The following LMO7 variants were observed in gnomAD, a reference collection of about 807,000 sequenced individuals.
LMO7 encodes LIM domain 7.
A neutral mutation model predicts 206.5 loss-of-function variants in LMO7; 120 were observed. That is an observed-to-expected ratio of 0.58 (90% CI 0.50 to 0.68). The LOEUF is 0.68. Among genes scored for constraint, LMO7 ranks in the 30% least tolerant of loss-of-function variants. The pLI is 0.00. For synonymous variants in LMO7, 706 were observed against 681.5 expected (o/e 1.04, Z -0.56); for missense variants, 1,959 against 1,957.9 (o/e 1.00, Z -0.01).
chr13:75,655,762 C>A (rs936735385), intron 1 of LMO7, among the ~76,000 whole-genome samples: 1 of 150,534 alleles, frequency 6.6e-6, no homozygotes, highest in African/African-American at 2.5e-5. Context: ...TTCAAGTTGT[C>A]ACCTGTGTCT....
At chr13:75,699,933 C>T (rs2042167675) in intron 1 of LMO7, among the ~76,000 whole-genome samples, 1 of 152,190 alleles carries the variant, frequency 6.6e-6, no homozygotes, top group African/African-American at 2.4e-5. Context: ...ACAGACACTC[C>T]CAGAGCGGCC....
At chr13:75,828,058 G>T (rs1470463153) in intron 15 of LMO7, among the ~76,000 whole-genome samples, 1 of 152,190 alleles carries the variant, frequency 6.6e-6, no homozygotes, top group African/African-American at 2.4e-5. Flanking sequence ...TTCACTGAAT[G>T]CTGACCAAAT....
At chr13:75,855,400 C>A in intron 29 of LMO7, 32 bp downstream of exon 29, 1 of 1,456,182 alleles carries the variant, frequency 6.9e-7, no homozygotes, top group Non-Finnish European at 9.6e-7. Context: ...TGCAGGCCTG[C>A]AAAGCTTTGC....
chr13:75,855,175 G>A (rs9573671), intron 28 of LMO7, 85 bp from the exon 29 acceptor site: 260,399 of 758,026 alleles, frequency 0.34, 45,874 homozygotes, highest in African/African-American at 0.46. Context: ...ATTATTATCA[G>A]TGTTAATAGC....
intron 1 of LMO7, among the ~76,000 whole-genome samples, chr13:75,700,682 T>C (rs1290346129): frequency 6.6e-6 from 1 of 152,186 alleles, no homozygotes; most frequent in Non-Finnish European, 1.5e-5. Flanking sequence ...AACACTGTGG[T>C]CAACAGCCGA....
At chr13:75,759,690 A>G (rs2047983549) in intron 3 of LMO7, among the ~76,000 whole-genome samples, 1 of 152,184 alleles carries the variant, frequency 6.6e-6, no homozygotes, top group South Asian at 2.1e-4. Flanking sequence ...ACTTTTTAGA[A>G]TGTCTCTTTC....
chr13:75,776,747 T>C (rs944487544), intron 4 of LMO7, among the ~76,000 whole-genome samples: 2 of 152,208 alleles, frequency 1.3e-5, no homozygotes, highest in African/African-American at 2.4e-5. Flanking sequence ...ATGCATGTCA[T>C]ACAGTTGATG....
intron 2 of LMO7, among the ~76,000 whole-genome samples, chr13:75,631,001 A>G (rs2034868083): frequency 6.6e-6 from 1 of 151,576 alleles, no homozygotes; most frequent in African/African-American, 2.4e-5. Context: ...TCCCTGTGCC[A>G]CTGAATGTCC....
At chr13:75,750,530 C>T (rs2047193213) in intron 3 of LMO7, among the ~76,000 whole-genome samples, 1 of 152,006 alleles carries the variant, frequency 6.6e-6, no homozygotes, top group Admixed American at 6.6e-5. Flanking sequence ...GCTAGGACTA[C>T]AGGTGCATGC....
chr13:75,838,309 T>G, intron 20 of LMO7, 113 bp downstream of exon 20: 1 of 1,548,126 alleles, frequency 6.5e-7, no homozygotes, highest in Non-Finnish European at 8.8e-7. Flanking sequence ...TCTGTCATTA[T>G]GACCAAGCGA....
intron 2 of LMO7, among the ~76,000 whole-genome samples, chr13:75,625,623 C>T (rs149518965): frequency 9.5e-4 from 145 of 152,248 alleles, no homozygotes; most frequent in African/African-American, 3.1e-3. Context: ...ATTTCAGTTA[C>T]GTGAGTTTGG....
At chr13:75,804,957 G>A (rs1171994111) in intron 8 of LMO7, 9 of 1,001,544 alleles carry the variant, frequency 9.0e-6, no homozygotes, top group Non-Finnish European at 1.1e-5. Flanking sequence ...GGAGGCGTAC[G>A]GTTTTGAAAG....
chr13:75,650,585 C>T (rs1320774166), intron 1 of LMO7, among the ~76,000 whole-genome samples: 2 of 152,170 alleles, frequency 1.3e-5, no homozygotes, highest in East Asian at 1.9e-4. Context: ...AAAAAAATTT[C>T]CTGTGTATTG....
At chr13:75,831,242 A>G (rs1213067119) in intron 15 of LMO7, among the ~76,000 whole-genome samples, 1 of 152,212 alleles carries the variant, frequency 6.6e-6, no homozygotes, top group Non-Finnish European at 1.5e-5. Flanking sequence ...TAAAAATCCC[A>G]TACCCACTGA....
intron 2 of LMO7, among the ~76,000 whole-genome samples, chr13:75,720,367 C>T (rs1333676141): frequency 1.3e-5 from 2 of 152,020 alleles, no homozygotes; most frequent in African/African-American, 4.8e-5. Flanking sequence ...ATTTCTTTTA[C>T]GAATTGTGCT....
At chr13:75,838,112 A>T (rs757310525) in intron 19 of LMO7, 28 bp from the exon 20 acceptor site, 15 of 1,321,536 alleles carry the variant, frequency 1.1e-5, no homozygotes, top group Middle Eastern at 1.8e-4. Flanking sequence ...AAAATGAATG[A>T]CATAGTGTTT....
At chr13:75,724,031 C>T (rs563037530) in intron 2 of LMO7, among the ~76,000 whole-genome samples, 1 of 152,090 alleles carries the variant, frequency 6.6e-6, no homozygotes, top group East Asian at 1.9e-4. Context: ...GACCTAATCC[C>T]ATTCATGAGG....
chr13:75,840,536 T>C (rs2059482647), intron 22 of LMO7, 41 bp downstream of exon 22: 1 of 1,597,120 alleles, frequency 6.3e-7, no homozygotes, highest in African/African-American at 1.3e-5. Context: ...CTAGGTTGGA[T>C]TTCACGGCTT....
intron 1 of LMO7, among the ~76,000 whole-genome samples, chr13:75,695,416 C>T (rs879747697): frequency 4.3e-4 from 66 of 152,194 alleles, no homozygotes; most frequent in African/African-American, 1.5e-3. Context: ...GGCTGGAGTG[C>T]ACTCACTGCA....
Sources: allele counts gnomAD v4.1 joint callset (sites outside exome capture counted in the v4.1 genomes callset), GRCh38; gene constraint gnomAD v4.1.1; transcripts MANE v1.5; gene names NCBI Gene and HGNC (gene_info 2026-07-23, HGNC 2026-07-21).